MEIS1: variants seen among roughly 807,000 people sequenced by gnomAD.
MEIS1 encodes the protein homeobox protein Meis1.
A neutral mutation model predicts 50.8 loss-of-function variants in MEIS1; 5 were observed. The observed-to-expected ratio is 0.10, with a 90% confidence interval of 0.05 to 0.21. The LOEUF is 0.21. Among genes scored for constraint, MEIS1 ranks in the 10% least tolerant of loss-of-function variants. The probability of loss-of-function intolerance (pLI) is 1.00; values close to 1 mark genes in which losing one functional copy is unlikely to be tolerated. For missense variants in MEIS1, 318 were observed against 517.3 expected, an observed-to-expected ratio of 0.61 and a Z score of 3.74; for synonymous variants, 176 against 179.3, an observed-to-expected ratio of 0.98 and a Z score of 0.15.
At chr2:66,450,418 A>G (rs1672251277) in intron 6 of MEIS1, among the ~76,000 whole-genome samples, 1 of 152,176 alleles carries the variant, frequency 6.6e-6, no homozygotes, top group Admixed American at 6.5e-5. Context: ...AGCTTGGGCA[A>G]TATAACAAGA....
At chr2:66,490,930 T>C (rs1202613158) in intron 7 of MEIS1, among the ~76,000 whole-genome samples, 1 of 152,210 alleles carries the variant, frequency 6.6e-6, no homozygotes, top group Non-Finnish European at 1.5e-5. Context: ...ACCATTTGCG[T>C]TGCATCTTTA....
At chr2:66,506,958 GC>G (rs1235411877) in intron 7 of MEIS1, among the ~76,000 whole-genome samples, 1 of 152,178 alleles carries the variant, frequency 6.6e-6, no homozygotes, top group Admixed American at 6.5e-5. Flanking sequence ...GCAGCCACTA[GC>G]AAGGCAGGAT....
Position 66,573,060 on chromosome 2 carries a change from C to T in MEIS1, c.*1852C>T, listed in dbSNP as rs533373997. On this transcript the variant is annotated 3_prime_UTR_variant, in exon 13 of 13. Coordinates refer to ENST00000272369, the MANE Select transcript of MEIS1 (RefSeq NM_002398.3). ...TTGCACATAAAGGCAAACCTAAGTA[C>T]AAAGTTAAGTCTTTTACTAAAGGAT... 14 of 152,202 alleles carry T rather than the reference C, an allele frequency of 9.2e-5. No homozygotes were observed. Among genetic ancestry groups the T allele is most frequent in the African/African-American group, 3.4e-4 (14 of 41,524 alleles). 9.4% of individuals were successfully genotyped at this position (152,202 alleles called of 1,614,324 possible).
chr2:66,526,762 G>T (rs1674260790), intron 8 of MEIS1, among the ~76,000 whole-genome samples: 1 of 152,150 alleles, frequency 6.6e-6, no homozygotes, highest in African/African-American at 2.4e-5. Flanking sequence ...CTTAACCATT[G>T]TCAAACATAT....
At position 66,457,953 on chromosome 2, in the gene MEIS1, C is replaced by A. The variant is rs563218934; in HGVS notation, c.631-6156C>A. On this transcript the variant is annotated intron_variant, in intron 6 of 12. Coordinates refer to ENST00000272369, the MANE Select transcript of MEIS1 (RefSeq NM_002398.3). ...ACTAGAGATTACTTACTAAAGAGACCCTGGTGATTTGAGAGAGTAAATGTA... is the reference window on the plus strand; with the variant it reads ...ACTAGAGATTACTTACTAAAGAGACACTGGTGATTTGAGAGAGTAAATGTA... Among the ~76,000 whole-genome samples, 10 of 152,178 alleles carry A rather than the reference C, an allele frequency of 6.6e-5. 1 individual carries two copies. The highest frequency in any genetic ancestry group is 1.4e-4 in the African/African-American group (6 of 41,538).
intron 6 of MEIS1, chr2:66,443,498 T>C (rs554856266): frequency 7.0e-4 from 120 of 171,056 alleles, no homozygotes; most frequent in African/African-American, 2.8e-3. Flanking sequence ...CAGCGAGAGT[T>C]TGAAATCTAG....
At chr2:66,483,639 C>T (rs535781628) in intron 7 of MEIS1, among the ~76,000 whole-genome samples, 4 of 152,114 alleles carry the variant, frequency 2.6e-5, no homozygotes, top group African/African-American at 7.2e-5. Context: ...TGAGAAGGGA[C>T]GCAGACTGAT....
intron 8 of MEIS1, among the ~76,000 whole-genome samples, chr2:66,536,514 C>T (rs1050996193): frequency 1.2e-4 from 19 of 152,058 alleles, no homozygotes; most frequent in Non-Finnish European, 2.4e-4. Context: ...AAAAGAACTG[C>T]GGTTGTTAAG....
intron 7 of MEIS1, among the ~76,000 whole-genome samples, chr2:66,478,606 CT>C (rs1250910479): frequency 6.6e-6 from 1 of 152,184 alleles, no homozygotes; most frequent in Non-Finnish European, 1.5e-5. Context: ...ATCTATCTGA[CT>C]TTTTAGGATT....
intron 2 of MEIS1, among the ~76,000 whole-genome samples, chr2:66,438,888 CTTGT>C (rs1192880814): frequency 2.6e-5 from 4 of 152,038 alleles, no homozygotes; most frequent in Non-Finnish European, 4.4e-5. Flanking sequence ...GTGCGATGGG[CTTGT>C]TTAATTCCCA....
intron 7 of MEIS1, among the ~76,000 whole-genome samples, chr2:66,477,007 G>A (rs1672909286): frequency 6.6e-6 from 1 of 152,172 alleles, no homozygotes. Context: ...GAGAGAGGAA[G>A]AGTCTGAGGT....
intron 8 of MEIS1, among the ~76,000 whole-genome samples, chr2:66,532,983 C>T (rs375473193): frequency 6.6e-6 from 1 of 152,052 alleles, no homozygotes; most frequent in African/African-American, 2.4e-5. Context: ...TTAATTATAA[C>T]CATTGATGAG....
At chr2:66,496,336 G>A (rs1250522572) in intron 7 of MEIS1, 2 of 152,150 alleles carry the variant, frequency 1.3e-5, no homozygotes, top group Admixed American at 1.3e-4. Context: ...CCTCCTGCAG[G>A]GGAGACTTGC....
chr2:66,535,450 C>T (rs974681033), intron 8 of MEIS1, among the ~76,000 whole-genome samples: 2 of 152,202 alleles, frequency 1.3e-5, no homozygotes, highest in African/African-American at 4.8e-5. Context: ...ATCTCACAGT[C>T]TTGTTGGTGA....
At chr2:66,518,101 A>G (rs1418613225) in intron 8 of MEIS1, among the ~76,000 whole-genome samples, 3 of 152,090 alleles carry the variant, frequency 2.0e-5, no homozygotes, top group South Asian at 2.1e-4. Context: ...CCCCACTTGT[A>G]GTTATGCACC....
At chr2:66,473,397 A>AAAAAAAATATAT in intron 7 of MEIS1, among the ~76,000 whole-genome samples, 4 of 107,596 alleles carry the variant, frequency 3.7e-5, no homozygotes, top group African/African-American at 2.3e-4. Context: ...AAAAAAAAAA[A>AAAAAAAATATAT]ATATATATAT....
At chr2:66,472,122 A>C (rs1446559172) in intron 7 of MEIS1, among the ~76,000 whole-genome samples, 1 of 152,142 alleles carries the variant, frequency 6.6e-6, no homozygotes, top group Non-Finnish European at 1.5e-5. Flanking sequence ...TTCAGGCCAG[A>C]TCTCCCAGGC....
At chr2:66,543,146 C>T (rs1373463668) in intron 8 of MEIS1, among the ~76,000 whole-genome samples, 2 of 152,108 alleles carry the variant, frequency 1.3e-5, no homozygotes, top group African/African-American at 2.4e-5. Flanking sequence ...TTTCTATTTG[C>T]GGCTGGTAAA....
At chr2:66,437,460 C>T (rs1335239687) in intron 1 of MEIS1, 1 of 448,710 alleles carries the variant, frequency 2.2e-6, no homozygotes, top group Non-Finnish European at 4.0e-6. Flanking sequence ...TTCTTCTTTC[C>T]TTCTTGCCAA....
Sources: gnomAD v4.1 joint callset for allele counts (sites outside exome capture counted in the v4.1 genomes callset) on GRCh38, gnomAD v4.1.1 for gene constraint, MANE v1.5 for transcripts, NCBI Gene and HGNC (gene_info 2026-07-23, HGNC 2026-07-21) for gene names.